TBC1D19: variants seen among roughly 807,000 people sequenced by gnomAD.
TBC1D19 encodes TBC1 domain family member 19.
TBC1D19 carries 60 observed loss-of-function variants against 89.0 expected under a neutral mutation model. The observed-to-expected ratio is 0.67, with a 90% confidence interval of 0.55 to 0.84. The LOEUF (loss-of-function observed/expected upper bound fraction) is 0.84, where lower values mean the gene tolerates loss of function less well. Ranked by LOEUF, TBC1D19 falls within the 40% of genes least tolerant of loss-of-function variation. The probability of loss-of-function intolerance (pLI) is 0.00; values close to 1 mark genes in which losing one functional copy is unlikely to be tolerated. For missense variants in TBC1D19, 500 were observed against 610.8 expected, an observed-to-expected ratio of 0.82 and a Z score of 1.91; for synonymous variants, 189 against 199.7, an observed-to-expected ratio of 0.95 and a Z score of 0.45.
rs781334594 is a variant in TBC1D19, at chr4:26,742,046, T to TC, written c.1228-459dup. Among the ~76,000 whole-genome samples, 6 of 152,298 alleles carry TC rather than the reference T, an allele frequency of 3.9e-5. No homozygotes were observed. The South Asian group carries it at 1.2e-3, about 32-fold the overall frequency. ...AGAGTGAGAAAAGCAGGCAGTATTT[T>TC]CCCTAGTGAGTGAGGCTGGAGGGGA... On this transcript the variant is annotated intron_variant, in intron 17 of 20. Coordinates refer to ENST00000264866, the MANE Select transcript of TBC1D19 (RefSeq NM_018317.4).
chr4:26,680,235 A>G (rs370039990), intron 11 of TBC1D19, among the ~76,000 whole-genome samples: 47 of 152,320 alleles, frequency 3.1e-4, no homozygotes, highest in Middle Eastern at 3.4e-3. Flanking sequence ...TCATAGCAGC[A>G]TGATAATGGA....
the TBC1D19 span, among the ~76,000 whole-genome samples, chr4:26,823,425 G>C: frequency 6.6e-6 from 1 of 152,150 alleles, no homozygotes; most frequent in African/African-American, 2.4e-5. Flanking sequence ...TACAATTTGG[G>C]TTAATGAGAG....
intron 12 of TBC1D19, among the ~76,000 whole-genome samples, chr4:26,685,993 G>T (rs1292133377): frequency 6.6e-6 from 1 of 152,186 alleles, no homozygotes; most frequent in Non-Finnish European, 1.5e-5. Context: ...TTGGATGAAA[G>T]TTTTAATGGC....
intron 1 of TBC1D19, chr4:26,584,920 C>G (rs1175658370): frequency 5.3e-6 from 1 of 189,058 alleles, no homozygotes; most frequent in African/African-American, 2.4e-5. Context: ...TGCCTGCTTT[C>G]TGGCATTAAC....
At chr4:26,800,368 G>A in the TBC1D19 span, among the ~76,000 whole-genome samples, 3 of 152,294 alleles carry the variant, frequency 2.0e-5, no homozygotes, top group South Asian at 6.2e-4. Context: ...GTATTCCATG[G>A]TACATATGTG....
chr4:26,651,229 G>A (rs1744352361), intron 7 of TBC1D19, among the ~76,000 whole-genome samples: 1 of 152,132 alleles, frequency 6.6e-6, no homozygotes, highest in East Asian at 1.9e-4. Flanking sequence ...AAACTTTATG[G>A]TAGTATTTTC....
At chr4:26,715,204 A>G (rs762569828) in intron 13 of TBC1D19, among the ~76,000 whole-genome samples, 1 of 152,018 alleles carries the variant, frequency 6.6e-6, no homozygotes. Flanking sequence ...AAATGAACCC[A>G]TGATCTCACT....
the TBC1D19 span, among the ~76,000 whole-genome samples, chr4:26,855,630 AAAG>A: frequency 6.6e-6 from 1 of 152,208 alleles, no homozygotes; most frequent in Non-Finnish European, 1.5e-5. Context: ...GATTTTCCAC[AAAG>A]AAGAGGGAGG....
intron 9 of TBC1D19, among the ~76,000 whole-genome samples, chr4:26,667,051 AAAAT>A (rs1165954495): frequency 6.6e-6 from 1 of 151,918 alleles, no homozygotes; most frequent in Admixed American, 6.6e-5. Context: ...CTTCCTCTAT[AAAAT>A]AAATAAGTTG....
chr4:26,788,420 G>A, the TBC1D19 span, among the ~76,000 whole-genome samples: 1 of 152,182 alleles, frequency 6.6e-6, no homozygotes, highest in Non-Finnish European at 1.5e-5. Context: ...AGGTGGGTAT[G>A]TGCATTTTGT....
At chr4:26,835,612 A>G in the TBC1D19 span, among the ~76,000 whole-genome samples, 1 of 152,014 alleles carries the variant, frequency 6.6e-6, no homozygotes, top group African/African-American at 2.4e-5. Context: ...CTTCCTGAAC[A>G]CCTCTCGAAT....
chr4:26,578,508 T>C (rs767835891), intron 1 of TBC1D19, among the ~76,000 whole-genome samples: 15 of 151,744 alleles, frequency 9.9e-5, no homozygotes, highest in Non-Finnish European at 2.1e-4. Context: ...GTTTCCCAGG[T>C]GGCAATGGAG....
At position 26,674,180 on chromosome 4, in the gene TBC1D19, T is replaced by C. The variant is rs3944010; in HGVS notation, c.816+292T>C. ...GAAGTGGAGACTGACAATTTAGATC[T>C]GTGAAGATGTGTGGTTGAATACGGA... is the stretch of plus-strand genomic sequence containing the variant. On this transcript the variant is annotated intron_variant, in intron 11 of 20. Transcript: ENST00000264866. Among the ~76,000 whole-genome samples the C allele has an allele frequency of 0.011, 1,662 of 152,204 alleles. 79 individuals are homozygous for C. In the East Asian group the frequency reaches 0.15, roughly 14 times the overall value.
intron 13 of TBC1D19, among the ~76,000 whole-genome samples, chr4:26,710,970 C>G (rs919472593): frequency 6.6e-6 from 1 of 152,110 alleles, no homozygotes; most frequent in Non-Finnish European, 1.5e-5. Context: ...TTCTCCCATT[C>G]TGTAGGTTGC....
At chr4:26,733,765 C>T (rs1218352280) in intron 15 of TBC1D19, among the ~76,000 whole-genome samples, 4 of 152,130 alleles carry the variant, frequency 2.6e-5, no homozygotes, top group East Asian at 3.8e-4. Flanking sequence ...TGGAGTGGTT[C>T]ACCAAAGAAG....
intron 11 of TBC1D19, among the ~76,000 whole-genome samples, chr4:26,681,207 C>G (rs956919595): frequency 6.6e-6 from 1 of 151,640 alleles, no homozygotes; most frequent in Admixed American, 6.6e-5. Flanking sequence ...GATTTTTTTT[C>G]TGAGATTAGT....
At chr4:26,601,057 A>C (rs1322227551) in intron 1 of TBC1D19, among the ~76,000 whole-genome samples, 2 of 152,142 alleles carry the variant, frequency 1.3e-5, no homozygotes, top group Admixed American at 6.5e-5. Context: ...TTGATGTGAG[A>C]AAGGACATAT....
chr4:26,746,423 G>C (rs1718652081), intron 18 of TBC1D19, among the ~76,000 whole-genome samples: 1 of 150,558 alleles, frequency 6.6e-6, no homozygotes, highest in African/African-American at 2.4e-5. Flanking sequence ...ATTTTCTACT[G>C]ATCTATAGTC....
At chr4:26,804,813 A>G in the TBC1D19 span, among the ~76,000 whole-genome samples, 1 of 152,226 alleles carries the variant, frequency 6.6e-6, no homozygotes, top group Non-Finnish European at 1.5e-5. Context: ...AGAAGGCAAG[A>G]TTTATTTTTA....
Sources: allele counts gnomAD v4.1 joint callset (sites outside exome capture counted in the v4.1 genomes callset), GRCh38; gene constraint gnomAD v4.1.1; transcripts MANE v1.5; gene names NCBI Gene and HGNC (gene_info 2026-07-23, HGNC 2026-07-21).